TMPRSS9: variants seen among roughly 807,000 people sequenced by gnomAD.
TMPRSS9 encodes transmembrane serine protease 9.
A neutral mutation model predicts 111.4 loss-of-function variants in TMPRSS9; 113 were observed. The ratio of observed to expected loss-of-function variants is 1.01; its 90% CI spans 0.87 to 1.19. The LOEUF (loss-of-function observed/expected upper bound fraction) is 1.19. TMPRSS9 is among the 50% of genes most tolerant of loss of function. The probability of loss-of-function intolerance (pLI) is 0.00; values close to 1 mark genes in which losing one functional copy is unlikely to be tolerated. For synonymous variants in TMPRSS9, 805 were observed against 659.1 expected, an observed-to-expected ratio of 1.22 and a Z score of -3.39; for missense variants, 1,803 against 1,513.1, an observed-to-expected ratio of 1.19 and a Z score of -3.18.
intron 4 of TMPRSS9, 36 bp from the exon 6 acceptor site, chr19:2,401,939 A>C: frequency 1.3e-6 from 2 of 1,598,706 alleles, no homozygotes; most frequent in South Asian, 1.1e-5. Context: ...TTTACCGCTT[A>C]TTCAGTGAGC....
At chr19:2,378,036 G>A (rs1319550795) in intron 1 of TMPRSS9, among the ~76,000 whole-genome samples, 6 of 151,628 alleles carry the variant, frequency 4.0e-5, no homozygotes, top group South Asian at 4.2e-4. Context: ...CACCATGAAA[G>A]GTCAATTTTT....
intron 1 of TMPRSS9, among the ~76,000 whole-genome samples, chr19:2,363,351 A>G (rs950338886): frequency 6.6e-6 from 1 of 152,170 alleles, no homozygotes; most frequent in African/African-American, 2.4e-5. Flanking sequence ...ACGCTGGAGC[A>G]TCGGAGTTCA....
chr19:2,412,862 G>A lies in TMPRSS9; in HGVS notation c.1255-838G>A, dbSNP rs193062199. On this transcript the variant is annotated intron_variant, in intron 9 of 17. Transcript: ENST00000648592. ...TGCCATATTGAAACCAGAATCTGGA[G>A]AAAATGCTAGGAACTAATGAGAGGG... Among the ~76,000 whole-genome samples the A allele has an allele frequency of 4.8e-3, 725 of 152,228 alleles. 6 individuals carry two copies. Among genetic ancestry groups the A allele is most frequent in the African/African-American group, 0.016 (685 of 41,544 alleles).
At chr19:2,413,159 C>T (rs1233232660) in intron 9 of TMPRSS9, among the ~76,000 whole-genome samples, 2 of 152,108 alleles carry the variant, frequency 1.3e-5, no homozygotes, top group Non-Finnish European at 2.9e-5. Context: ...CACGCCATTG[C>T]ACTCCAGCCT....
chr19:2,370,750 T>C (rs752273000), intron 1 of TMPRSS9, among the ~76,000 whole-genome samples: 2 of 152,080 alleles, frequency 1.3e-5, no homozygotes, highest in African/African-American at 2.4e-5. Context: ...TCTCTTTATA[T>C]ATATATTGCC....
intron 1 of TMPRSS9, among the ~76,000 whole-genome samples, chr19:2,379,581 C>T (rs555331417): frequency 6.6e-6 from 1 of 151,588 alleles, no homozygotes; most frequent in Admixed American, 6.6e-5. Flanking sequence ...CCACCCCACA[C>T]TAGGCCCTGA....
intron 9 of TMPRSS9, among the ~76,000 whole-genome samples, chr19:2,411,145 C>A (rs920556694): frequency 2.0e-5 from 3 of 151,336 alleles, no homozygotes; most frequent in Non-Finnish European, 3.0e-5. Context: ...ACTAAAAATA[C>A]AAAAATTAGC....
chr19:2,405,495 C>T lies in TMPRSS9; in HGVS notation c.792C>T (p.Ala264=), dbSNP rs376794889. 40 of 1,604,028 alleles carry T rather than the reference C, an allele frequency of 2.5e-5. No individual in the cohort carries two copies. The African/African-American group carries it at 3.6e-4, about 15-fold the overall frequency. ...AGAACAAGGAGCACTTCTGTGGGGC[C>T]GCCATCATCAACGCCAGGTGGCTGG... Residue 264 remains alanine, a synonymous_variant, in exon 7 of 18, where the codon GCC becomes GCT. Transcript: ENST00000648592.
At chr19:2,390,329 A>C (rs113652500) in intron 1 of TMPRSS9, among the ~76,000 whole-genome samples, 1 of 123,078 alleles carries the variant, frequency 8.1e-6, no homozygotes, top group East Asian at 2.5e-4. Context: ...TGCAAGCTCC[A>C]CCTCCCGGGT....
At chr19:2,377,467 C>CTCTCA (rs1970346391) in intron 1 of TMPRSS9, among the ~76,000 whole-genome samples, 2 of 78,486 alleles carry the variant, frequency 2.5e-5, no homozygotes, top group South Asian at 4.8e-4. Context: ...CCCCTCTCCC[C>CTCTCA]TCTCCCCTCT....
Position 2,418,084 on chromosome 19 carries a change from C to CAA in TMPRSS9, c.2101_2102insAA (p.Thr701LysfsTer5). 6.2e-7 allele frequency: 1 copy of CAA among 1,612,392 alleles called. No individual in the cohort carries two copies. The highest frequency in any genetic ancestry group is 8.5e-7 in the Non-Finnish European group (1 of 1,179,702). ...GTAGTGTGCTCTACAACTTCTCCCT[C>CAA]ACAGACCGCATGATCTGCGCAGGCT... On this transcript the variant is annotated frameshift_variant, in exon 13 of 18. Transcript: ENST00000648592. LOFTEE classifies it high-confidence loss of function.
At chr19:2,425,538 C>T in intron 17 of TMPRSS9, 45 bp downstream of exon 18, 1 of 1,480,600 alleles carries the variant, frequency 6.8e-7, no homozygotes, top group Non-Finnish European at 8.9e-7. Context: ...GCCCAGCCGC[C>T]GGGGAGGGCG....
At position 2,422,083 on chromosome 19, in the gene TMPRSS9, G is replaced by A. The variant is rs750103230; in HGVS notation, c.2384G>A (p.Gly795Asp). ...ACCACCAGCCCCAGGACGACAGCTG[G>A]CCTCACAGTCCCGGGGGCCACACCC... Residue 795 changes from glycine to aspartate, a missense_variant, in exon 14 of 18, where the codon GGC (glycine) becomes GAC (aspartate). Physicochemically the swap from Gly to Asp is moderately conservative, Grantham distance 94. Transcript: ENST00000648592. 4.8e-5 allele frequency: 78 copies of A among 1,608,626 alleles called. No homozygotes were observed. Among genetic ancestry groups the A allele is most frequent in the Middle Eastern group, 1.6e-4 (1 of 6,068 alleles).
chr19:2,384,805 G>C (rs1052823214), upstream of TMPRSS9, among the ~76,000 whole-genome samples: 2 of 124,922 alleles, frequency 1.6e-5, no homozygotes, highest in Admixed American at 9.3e-5. Flanking sequence ...ACAGAGTAAG[G>C]CTCCGTCAAA....
intron 1 of TMPRSS9, among the ~76,000 whole-genome samples, chr19:2,364,103 G>A (rs1274005070): frequency 6.6e-6 from 1 of 152,180 alleles, no homozygotes; most frequent in East Asian, 1.9e-4. Flanking sequence ...GATCGCTTGA[G>A]CCCGGGAGTT....
intron 1 of TMPRSS9, among the ~76,000 whole-genome samples, 159 bp downstream of exon 1, chr19:2,360,519 C>T (rs1970186120): frequency 6.6e-6 from 1 of 152,048 alleles, no homozygotes; most frequent in Non-Finnish European, 1.5e-5. Context: ...GTAGACACCA[C>T]CGGGGTTGTG....
intron 13 of TMPRSS9, 128 bp downstream of exon 14, chr19:2,418,266 G>GTTTCTTCCCTCCC (rs1971303202): frequency 1.5e-6 from 1 of 654,140 alleles, no homozygotes; most frequent in African/African-American, 5.6e-5. Flanking sequence ...TTCCCTCCTT[G>GTTTCTTCCCTCCC]TCCTTCCCTC....
intron 7 of TMPRSS9, among the ~76,000 whole-genome samples, chr19:2,407,615 T>TTC (rs1568182960): frequency 1.1e-4 from 15 of 140,678 alleles, no homozygotes; most frequent in African/African-American, 2.8e-4. Flanking sequence ...TTTCTTTTTT[T>TTC]TTTTTTTTTT....
intron 14 of TMPRSS9, among the ~76,000 whole-genome samples, chr19:2,423,125 G>A (rs1041590830): frequency 1.3e-5 from 2 of 151,706 alleles, no homozygotes; most frequent in African/African-American, 4.8e-5. Flanking sequence ...GTCCTTGGGT[G>A]CGTGTTTCTT....
Sources: gnomAD v4.1 joint callset for allele counts (sites outside exome capture counted in the v4.1 genomes callset) on GRCh38, gnomAD v4.1.1 for gene constraint, MANE v1.5 for transcripts, NCBI Gene and HGNC (gene_info 2026-07-23, HGNC 2026-07-21) for gene names.